PRKAR2A: variants seen among roughly 807,000 people sequenced by gnomAD.
PRKAR2A encodes cAMP-dependent protein kinase type II-alpha regulatory subunit.
PRKAR2A carries 29 observed loss-of-function variants against 51.9 expected under a neutral mutation model. The ratio of observed to expected loss-of-function variants is 0.56; its 90% CI spans 0.42 to 0.76. PRKAR2A has a LOEUF of 0.76. PRKAR2A is among the 30% of genes least tolerant of loss of function. The probability of loss-of-function intolerance (pLI) is 0.00; values close to 1 mark genes in which losing one functional copy is unlikely to be tolerated. For synonymous variants in PRKAR2A, 178 were observed against 186.2 expected (o/e 0.96, Z 0.36); for missense variants, 445 against 512.1 (o/e 0.87, Z 1.26).
intron 4 of PRKAR2A, among the ~76,000 whole-genome samples, chr3:48,784,649 CAG>C (rs1387984136): frequency 1.3e-5 from 2 of 152,078 alleles, no homozygotes; most frequent in East Asian, 3.8e-4. Context: ...TATAGAATAA[CAG>C]GGGCGGAAAG....
chr3:48,755,922 G>T (rs2081755470), intron 9 of PRKAR2A, among the ~76,000 whole-genome samples: 1 of 151,906 alleles, frequency 6.6e-6, no homozygotes, highest in Non-Finnish European at 1.5e-5. Context: ...GGGACTACAG[G>T]CGCCCGCCAC....
At chr3:48,833,760 G>T (rs1307964347) in intron 1 of PRKAR2A, among the ~76,000 whole-genome samples, 1 of 150,504 alleles carries the variant, frequency 6.6e-6, no homozygotes, top group Non-Finnish European at 1.5e-5. Context: ...TTCCGGCCAG[G>T]CGCAGTGGCT....
chr3:48,781,650 C>T (rs1050580528), intron 5 of PRKAR2A, among the ~76,000 whole-genome samples: 10 of 152,028 alleles, frequency 6.6e-5, no homozygotes, highest in Admixed American at 5.9e-4. Flanking sequence ...GTAGCTGGGA[C>T]TACAGGCGCG....
chr3:48,772,843 C>T (rs1407918989), intron 6 of PRKAR2A, 112 bp downstream of exon 6: 3 of 1,137,570 alleles, frequency 2.6e-6, no homozygotes, highest in East Asian at 2.7e-5. Context: ...GGGGTTTCAC[C>T]GTGTTAGCCA....
chr3:48,804,313 T>A (rs2107350761), intron 2 of PRKAR2A, among the ~76,000 whole-genome samples: 1 of 151,966 alleles, frequency 6.6e-6, no homozygotes, highest in South Asian at 2.1e-4. Flanking sequence ...ATACAAAAAT[T>A]AGCCAGGCAT....
chr3:48,810,798 C>T (rs1158995498), intron 1 of PRKAR2A, among the ~76,000 whole-genome samples: 2 of 151,760 alleles, frequency 1.3e-5, no homozygotes, highest in African/African-American at 4.8e-5. Flanking sequence ...AACAAATTGC[C>T]TAGAAAAAGA....
rs1209805963 is a variant in PRKAR2A at position 48,772,938 on chromosome 3, C to T, written c.696+17G>A. 1.2e-5 allele frequency: 20 copies of T among 1,605,686 alleles called. No individual in the cohort carries two copies. The highest frequency in any genetic ancestry group is 2.7e-5 in the African/African-American group (2 of 74,568). The stretch of plus-strand genomic sequence containing the variant: ...TTAATACTGTGCCTTGCAAGGGGAA[C>T]GATTTCTCTCACTCACCAGTCCCCA... On this transcript the variant is annotated intron_variant, in intron 6 of 10. Transcript: ENST00000265563.
chr3:48,769,823 G>A (rs1269828007), intron 6 of PRKAR2A, among the ~76,000 whole-genome samples: 1 of 152,000 alleles, frequency 6.6e-6, no homozygotes, highest in East Asian at 1.9e-4. Context: ...CACTCAGCAG[G>A]CTGGAGTGTA....
chr3:48,843,335 T>C (rs2077301548), intron 1 of PRKAR2A, among the ~76,000 whole-genome samples: 1 of 152,152 alleles, frequency 6.6e-6, no homozygotes, highest in African/African-American at 2.4e-5. Context: ...GTCTATCAAT[T>C]TTGTTGATCC....
chr3:48,811,375 T>C (rs1051762467), intron 1 of PRKAR2A, among the ~76,000 whole-genome samples: 1 of 152,040 alleles, frequency 6.6e-6, no homozygotes, highest in African/African-American at 2.4e-5. Flanking sequence ...CTTCAGATGC[T>C]GAGGTGGGAG....
chr3:48,767,521 G>A (rs2081958623), intron 6 of PRKAR2A, among the ~76,000 whole-genome samples: 1 of 151,834 alleles, frequency 6.6e-6, no homozygotes, highest in Non-Finnish European at 1.5e-5. Context: ...TGTGTGTGGT[G>A]GTTCATGCCT....
chr3:48,769,243 C>T (rs1199382405), intron 6 of PRKAR2A, among the ~76,000 whole-genome samples: 3 of 149,090 alleles, frequency 2.0e-5, no homozygotes, highest in East Asian at 2.1e-4. Context: ...CTGCAAGCTC[C>T]GCCTCCCTGG....
chr3:48,813,395 CCTGT>C (rs557393758), intron 1 of PRKAR2A, among the ~76,000 whole-genome samples: 1 of 150,680 alleles, frequency 6.6e-6, no homozygotes, highest in Non-Finnish European at 1.5e-5. Flanking sequence ...AGAGTAAGAT[CCTGT>C]CTCTTTAAAA....
intron 1 of PRKAR2A, among the ~76,000 whole-genome samples, chr3:48,812,623 C>T (rs899099147): frequency 1.3e-5 from 2 of 151,956 alleles, no homozygotes; most frequent in African/African-American, 4.8e-5. Flanking sequence ...GCTGGGACTA[C>T]AGGCGCCTGC....
At chr3:48,808,044 C>CTTTTTTTTTTTTTTTTTTTTTTTT (rs1490338619) in intron 1 of PRKAR2A, among the ~76,000 whole-genome samples, 1 of 135,084 alleles carries the variant, frequency 7.4e-6, no homozygotes, top group African/African-American at 2.7e-5. Flanking sequence ...TTTTTTCTTT[C>CTTTTTTTTTTTTTTTTTTTTTTTT]TTTCTTTTTT....
chr3:48,776,005 G>A (rs915655428), intron 5 of PRKAR2A, among the ~76,000 whole-genome samples: 2 of 152,086 alleles, frequency 1.3e-5, no homozygotes, highest in Non-Finnish European at 2.9e-5. Context: ...TATTCGGGAG[G>A]CTGAGGCAGG....
At chr3:48,811,890 A>T (rs1475045394) in intron 1 of PRKAR2A, among the ~76,000 whole-genome samples, 1 of 152,178 alleles carries the variant, frequency 6.6e-6, no homozygotes, top group Non-Finnish European at 1.5e-5. Context: ...GAATGATTCC[A>T]TTTATGTAAA....
chr3:48,770,613 G>C (rs566248210), intron 6 of PRKAR2A, among the ~76,000 whole-genome samples: 1 of 152,138 alleles, frequency 6.6e-6, no homozygotes, highest in African/African-American at 2.4e-5. Flanking sequence ...AAAAGTAGAG[G>C]CCAAAAGGAT....
intron 1 of PRKAR2A, among the ~76,000 whole-genome samples, chr3:48,814,572 G>C (rs192530658): frequency 3.9e-5 from 6 of 152,238 alleles, no homozygotes; most frequent in Admixed American, 3.3e-4. Flanking sequence ...TTTGAATCTT[G>C]ATCTAAGTTT....
Sources: allele counts gnomAD v4.1 joint callset (sites outside exome capture counted in the v4.1 genomes callset), GRCh38; gene constraint gnomAD v4.1.1; transcripts MANE v1.5; gene names NCBI Gene and HGNC (gene_info 2026-07-23, HGNC 2026-07-21).